Variants in DRC2 observed in about 807,000 individuals in gnomAD.
DRC2 encodes the protein coiled-coil domain containing 65.
chr12:48,919,013 T>G, the DRC2 span: 132 of 714,332 alleles, frequency 1.8e-4, 2 homozygotes, highest in South Asian at 2.3e-3. Context: ...CCTGGCTGAG[T>G]GGACACTTGG....
the DRC2 span, among the ~76,000 whole-genome samples, chr12:48,909,370 A>C: frequency 1.3e-5 from 2 of 152,170 alleles, no homozygotes. Flanking sequence ...TTTCATAGCC[A>C]GCCTTGTTTC....
chr12:48,905,263 A>G, the DRC2 span: 1 of 739,334 alleles, frequency 1.4e-6, no homozygotes, highest in Non-Finnish European at 2.1e-6. Context: ...AATAAAAAAT[A>G]GAATATTGGG....
chr12:48,904,213 C>T, the DRC2 span: 3 of 1,365,960 alleles, frequency 2.2e-6, no homozygotes, highest in African/African-American at 4.4e-5. Flanking sequence ...TCTCCGGTCC[C>T]ACAACCGCCC....
the DRC2 span, chr12:48,904,302 C>T: frequency 3.1e-6 from 5 of 1,597,590 alleles, no homozygotes; most frequent in Non-Finnish European, 4.3e-6. Flanking sequence ...CGAGGCAGAC[C>T]GAGGCTTCTT....
chr12:48,919,132 T>C, the DRC2 span, among the ~76,000 whole-genome samples: 7 of 152,148 alleles, frequency 4.6e-5, no homozygotes, highest in African/African-American at 1.7e-4. Context: ...AGGATGGTTA[T>C]GAACTCCTGG....
the DRC2 span, chr12:48,921,010 A>G: frequency 1.9e-6 from 3 of 1,613,946 alleles, no homozygotes; most frequent in East Asian, 6.7e-5. Flanking sequence ...TTTATTCATC[A>G]GTATTGACTC....
At chr12:48,921,249 A>T in the DRC2 span, 4 of 1,614,096 alleles carry the variant, frequency 2.5e-6, no homozygotes, top group Non-Finnish European at 3.4e-6. Context: ...CCTCCAACAT[A>T]GACGAGCCCA....
chr12:48,916,846 CTCT>C, the DRC2 span: 2 of 848,902 alleles, frequency 2.4e-6, no homozygotes, highest in East Asian at 5.4e-5. Flanking sequence ...CCTTCCCTCT[CTCT>C]TTTCTCCATC....
the DRC2 span, among the ~76,000 whole-genome samples, chr12:48,915,114 C>CTTTTTTTTTTTTTTTTT: frequency 7.5e-6 from 1 of 133,930 alleles, no homozygotes; most frequent in Non-Finnish European, 1.6e-5. Flanking sequence ...CACTTTCTTT[C>CTTTTTTTTTTTTTTTTT]TTTTTTTTTT....
At chr12:48,904,219 C>T in the DRC2 span, 9 of 1,396,794 alleles carry the variant, frequency 6.4e-6, no homozygotes, top group Admixed American at 2.3e-5. Flanking sequence ...GTCCCACAAC[C>T]GCCCACAACC....
At chr12:48,914,951 C>T in the DRC2 span, among the ~76,000 whole-genome samples, 1 of 151,972 alleles carries the variant, frequency 6.6e-6, no homozygotes, top group East Asian at 1.9e-4. Flanking sequence ...CTCTGCCTCC[C>T]GGGTTCAAGC....
At chr12:48,915,174 G>T in the DRC2 span, among the ~76,000 whole-genome samples, 1 of 148,726 alleles carries the variant, frequency 6.7e-6, no homozygotes, top group Admixed American at 6.7e-5. Context: ...GATTTGGCAG[G>T]GTCACAGGAC....
the DRC2 span, chr12:48,919,042 T>C: frequency 1.6e-6 from 1 of 611,556 alleles, no homozygotes; most frequent in Non-Finnish European, 2.9e-6. Flanking sequence ...TTTTATTCCA[T>C]GTTTCCTCCC....
the DRC2 span, among the ~76,000 whole-genome samples, chr12:48,917,275 T>TGC: frequency 7.9e-6 from 1 of 127,214 alleles, no homozygotes; most frequent in East Asian, 2.5e-4. Context: ...ACATAGGGAG[T>TGC]CCCCCCCATC....
the DRC2 span, chr12:48,916,875 G>T: frequency 9.1e-6 from 11 of 1,212,812 alleles, no homozygotes; most frequent in African/African-American, 1.6e-4. Flanking sequence ...CTAAGAGTTT[G>T]TACCATTCAC....
chr12:48,914,336 GA>G, the DRC2 span: 4 of 1,464,914 alleles, frequency 2.7e-6, no homozygotes, highest in Non-Finnish European at 1.8e-6. Flanking sequence ...ACTGCCAGCT[GA>G]ATATATTTTT....
At chr12:48,921,046 G>T in the DRC2 span, 4 of 1,612,866 alleles carry the variant, frequency 2.5e-6, no homozygotes, top group African/African-American at 4.0e-5. Flanking sequence ...GGATTCAGAA[G>T]AATAATCTAG....
chr12:48,911,885 T>G, the DRC2 span, among the ~76,000 whole-genome samples: 1 of 152,176 alleles, frequency 6.6e-6, no homozygotes, highest in Non-Finnish European at 1.5e-5. Flanking sequence ...AGATAAATGC[T>G]TGATTCTTTC....
the DRC2 span, chr12:48,914,721 C>G: frequency 1.1e-3 from 814 of 731,622 alleles, 4 homozygotes; most frequent in Non-Finnish European, 1.5e-3. Flanking sequence ...ATCTTGGTTC[C>G]TTTTAAACAA....
Sources: allele counts gnomAD v4.1 joint callset (sites outside exome capture counted in the v4.1 genomes callset), GRCh38; gene constraint gnomAD v4.1.1; transcripts MANE v1.5; gene names NCBI Gene and HGNC (gene_info 2026-07-23, HGNC 2026-07-21).